UGT1A4: variants seen among roughly 807,000 people sequenced by gnomAD.
The protein encoded by UGT1A4 is UDP glucuronosyltransferase family 1 member A4.
In UGT1A4, 32 loss-of-function variants were observed where a neutral mutation model predicts 41.1. The observed-to-expected ratio is 0.78, with a 90% CI of 0.59 to 1.05. The LOEUF (loss-of-function observed/expected upper bound fraction) is 1.05. Ranked by LOEUF, UGT1A4 falls within the 50% of genes least tolerant of loss-of-function variation. The pLI, the probability that UGT1A4 is intolerant of heterozygous loss-of-function variation, is 0.00. For missense variants in UGT1A4, 748 were observed against 677.4 expected (o/e 1.10, Z -1.16); for synonymous variants, 283 against 265.1 (o/e 1.07, Z -0.66).
intron 1 of UGT1A4, among the ~76,000 whole-genome samples, chr2:233,724,763 C>T (rs1463546601): frequency 2.8e-5 from 4 of 143,224 alleles, no homozygotes; most frequent in African/African-American, 8.0e-5. Context: ...GATGGGCGGC[C>T]AGGCAGAGAC....
At chr2:233,759,064 G>A (rs1398718835) in intron 1 of UGT1A4, among the ~76,000 whole-genome samples, 2 of 152,146 alleles carry the variant, frequency 1.3e-5, no homozygotes, top group Non-Finnish European at 2.9e-5. Flanking sequence ...CTCTGAAAAG[G>A]AATTTGGAAG....
In UGT1A4 at chr2:233,769,368, G is replaced by T. The variant is rs1276563226; in HGVS notation, c.1307+929G>T. ...TGGGAAGAAGTGGTGGCCAGTGGTA[G>T]ATTTCATCCGACAATAGATACTGTG... On this transcript the variant is annotated intron_variant, in intron 4 of 4. Coordinates refer to ENST00000373409, the MANE Select transcript of UGT1A4 (RefSeq NM_007120.3). This position sits in a 1 kb window ranked among gnomAD's most constrained non-coding sequence, Gnocchi z 4.4. Among the ~76,000 whole-genome samples the T allele has an allele frequency of 6.6e-6, 1 of 152,222 alleles. No homozygotes were observed. The highest frequency in any genetic ancestry group is 1.5e-5 in the Non-Finnish European group (1 of 68,036).
intron 1 of UGT1A4, among the ~76,000 whole-genome samples, chr2:233,720,460 C>T (rs1575532860): frequency 1.3e-5 from 2 of 152,110 alleles, no homozygotes; most frequent in East Asian, 3.9e-4. Flanking sequence ...GAAGCTGGGA[C>T]CAGTGATGAA....
At position 233,772,646 on chromosome 2, in the gene UGT1A4, A is replaced by C; in HGVS notation, c.*87A>C. 6.5e-7 allele frequency: 1 copy of C among 1,549,870 alleles called. No homozygotes were observed. The highest frequency in any genetic ancestry group is 8.7e-7 in the Non-Finnish European group (1 of 1,147,250). ...ACAGAATCAGTGTTAAATTCATTTT[A>C]TTCTTATTAAGGAAATACTTTGCAT... On this transcript the variant is annotated 3_prime_UTR_variant, in exon 5 of 5. Coordinates refer to ENST00000373409, the MANE Select transcript of UGT1A4 (RefSeq NM_007120.3).
In UGT1A4 at chr2:233,718,927, C is replaced by A; in HGVS notation, c.107C>A (p.Thr36Asn). The change falls in exon 1 of 5, where the codon ACT (threonine) becomes AAT (asparagine). Residue 36 changes from threonine (T) to asparagine (N), a missense_variant. By Grantham distance (65) the Thr-to-Asn change is moderately conservative (BLOSUM62 0). Coordinates refer to ENST00000373409, the MANE Select transcript of UGT1A4 (RefSeq NM_007120.3). ...AESGKVLVVP[T>N]DGSPWLSMRE... Reference sequence around the variant, plus strand: ...AGTGGAAAGGTGTTGGTGGTGCCCACTGATGGCAGCCCCTGGCTCAGCATG... The same window carrying A: ...AGTGGAAAGGTGTTGGTGGTGCCCAATGATGGCAGCCCCTGGCTCAGCATG... 2 of 1,614,128 alleles carry A rather than the reference C, an allele frequency of 1.2e-6. No individual in the cohort carries two copies. Among genetic ancestry groups the A allele is most frequent in the Non-Finnish European group, 8.5e-7 (1 of 1,179,998 alleles).
chr2:233,749,225 A>AT, intron 1 of UGT1A4, among the ~76,000 whole-genome samples: 1 of 151,926 alleles, frequency 6.6e-6, no homozygotes, highest in Non-Finnish European at 1.5e-5. Flanking sequence ...TCTAAGCTTC[A>AT]TTTTTTAAAA....
At chr2:233,739,569 GT>G (rs1056417236) in intron 1 of UGT1A4, among the ~76,000 whole-genome samples, 1 of 152,220 alleles carries the variant, frequency 6.6e-6, no homozygotes, top group Non-Finnish European at 1.5e-5. Flanking sequence ...GCCCTGCCTG[GT>G]TTTGGACTTG....
chr2:233,723,423 T>C (rs948656424), intron 1 of UGT1A4, among the ~76,000 whole-genome samples: 4 of 135,658 alleles, frequency 2.9e-5, no homozygotes, highest in African/African-American at 8.8e-5. Flanking sequence ...CTGGTCAGGC[T>C]GGTCTCGAAC....
At position 233,719,203 on chromosome 2, in the gene UGT1A4, G is replaced by A. The variant is rs145806554; in HGVS notation, c.383G>A (p.Cys128Tyr). The change falls in exon 1 of 5, where the codon TGT becomes TAT. Residue 128 changes from cysteine (C) to tyrosine (Y), a missense_variant. Cys to Tyr is a radical substitution (Grantham distance 194, BLOSUM62 -2). Coordinates refer to ENST00000373409, the MANE Select transcript of UGT1A4 (RefSeq NM_007120.3). ...GTATCTTTGGCCCTTCATAGGTGTT[G>A]TGTGGAGCTACTGCATAATGAGGCC... ...NNVSLALHRC[C>Y]VELLHNEALI... is the part of the protein sequence containing the mutation. 3.1e-6 allele frequency: 5 copies of A among 1,614,242 alleles called. No homozygotes were observed. The highest frequency in any genetic ancestry group is 3.3e-4 in the Middle Eastern group (2 of 6,062).
At chr2:233,757,543 T>TACATATACATATAC (rs1320189051) in intron 1 of UGT1A4, among the ~76,000 whole-genome samples, 2 of 117,340 alleles carry the variant, frequency 1.7e-5, no homozygotes, top group African/African-American at 7.1e-5. Flanking sequence ...GGAATATATA[T>TACATATACATATAC]ATATATATAT....
chr2:233,747,668 C>T (rs1693744696), intron 1 of UGT1A4: 1 of 1,603,064 alleles, frequency 6.2e-7, no homozygotes, highest in East Asian at 2.2e-5. Context: ...TTTTAATAGA[C>T]CCAATTTACC....
rs149243985 is a variant in UGT1A4, at chr2:233,751,326, T to A, written c.868-15708T>A. ...ATTTACCCAATTTCTGTACCCCCAT[T>A]GTGTCTTGGAAGTTACTTTTGATTT... On this transcript the variant is annotated intron_variant, in intron 1 of 4. Coordinates refer to ENST00000373409, the MANE Select transcript of UGT1A4 (RefSeq NM_007120.3). Among the ~76,000 whole-genome samples the A allele has an allele frequency of 2.6e-5, 4 of 152,018 alleles. No homozygotes were observed. The East Asian group carries it at 5.8e-4, about 22-fold the overall frequency.
intron 1 of UGT1A4, among the ~76,000 whole-genome samples, chr2:233,765,985 G>A (rs1019803782): frequency 1.3e-5 from 2 of 152,120 alleles, no homozygotes; most frequent in Admixed American, 6.5e-5. Flanking sequence ...TACAGCTCCT[G>A]AAGCTCCAGT....
At chr2:233,724,451 C>T (rs1350834688) in intron 1 of UGT1A4, among the ~76,000 whole-genome samples, 1 of 120,264 alleles carries the variant, frequency 8.3e-6, no homozygotes. Flanking sequence ...GACAGGGCAG[C>T]TGCCGGGCGG....
intron 1 of UGT1A4, 91 bp downstream of exon 1, chr2:233,719,778 T>C (rs2076804234): frequency 1.2e-6 from 2 of 1,611,190 alleles, no homozygotes; most frequent in African/African-American, 2.7e-5. Context: ...TATCTACTTA[T>C]CTTTCCAAAG....
chr2:233,752,593 T>C (rs896301003), intron 1 of UGT1A4: 3 of 152,046 alleles, frequency 2.0e-5, no homozygotes, highest in African/African-American at 7.2e-5. Flanking sequence ...CTCTACAAGA[T>C]TTTTTTTAAA....
intron 1 of UGT1A4, 133 bp downstream of exon 1, chr2:233,719,820 C>T: frequency 6.4e-7 from 1 of 1,571,828 alleles, no homozygotes; most frequent in Non-Finnish European, 8.6e-7. Flanking sequence ...AACAGATAAA[C>T]TGTTGAGGGG....
At chr2:233,724,187 G>C (rs1459882110) in intron 1 of UGT1A4, among the ~76,000 whole-genome samples, 1 of 123,412 alleles carries the variant, frequency 8.1e-6, no homozygotes, top group East Asian at 2.3e-4. Flanking sequence ...CCTCCCGGAC[G>C]GGGTGGCTGG....
At chr2:233,761,231 T>A in intron 1 of UGT1A4, 1 of 1,613,202 alleles carries the variant, frequency 6.2e-7, no homozygotes. Flanking sequence ...GCCCCAGATA[T>A]ATGCTGAGCA....
Sources: gnomAD v4.1 joint callset for allele counts (sites outside exome capture counted in the v4.1 genomes callset) on GRCh38, gnomAD v4.1.1 for gene constraint, Gnocchi (gnomAD v3.1) non-coding constraint, MANE v1.5 for transcripts, NCBI Gene and HGNC (gene_info 2026-07-23, HGNC 2026-07-21) for gene names.